EXOC4: variants seen among roughly 807,000 people sequenced by gnomAD.
The protein encoded by EXOC4 is SEC8-like 1.
A neutral mutation model predicts 107.2 loss-of-function variants in EXOC4; 71 were observed. The ratio of observed to expected loss-of-function variants is 0.66; its 90% CI spans 0.55 to 0.81. EXOC4 has a LOEUF of 0.81. Ranked by LOEUF, EXOC4 falls within the 30% of genes least tolerant of loss-of-function variation. The pLI, the probability that EXOC4 is intolerant of heterozygous loss-of-function variation, is 0.00. For missense variants in EXOC4, 1,108 were observed against 1,189.6 expected (o/e 0.93, Z 1.01); for synonymous variants, 456 against 441.2 (o/e 1.03, Z -0.42).
chr7:134,026,653 A>G (rs1795142875), intron 17 of EXOC4, among the ~76,000 whole-genome samples: 1 of 152,126 alleles, frequency 6.6e-6, no homozygotes, highest in Non-Finnish European at 1.5e-5. Flanking sequence ...CAAAGAAGAT[A>G]GACATTTAAA....
intron 7 of EXOC4, among the ~76,000 whole-genome samples, chr7:133,444,958 T>G (rs1243696557): frequency 1.3e-5 from 2 of 152,172 alleles, no homozygotes; most frequent in African/African-American, 4.8e-5. Context: ...GCCTAGAGAT[T>G]AACAACACGT....
chr7:133,523,783 T>C (rs1481032505), intron 9 of EXOC4, among the ~76,000 whole-genome samples: 4 of 152,216 alleles, frequency 2.6e-5, no homozygotes, highest in African/African-American at 9.7e-5. Context: ...CATCATTTTT[T>C]TATGGCTGCA....
chr7:133,909,709 G>A (rs774723727), intron 12 of EXOC4, among the ~76,000 whole-genome samples: 17 of 152,146 alleles, frequency 1.1e-4, no homozygotes, highest in Non-Finnish European at 1.5e-4. Context: ...GTGTTTTCAT[G>A]TGCAGTCAGG....
chr7:133,319,043 C>T (rs976947774), intron 5 of EXOC4, among the ~76,000 whole-genome samples: 3 of 152,060 alleles, frequency 2.0e-5, no homozygotes, highest in Admixed American at 1.3e-4. Flanking sequence ...TTATCTCTGC[C>T]TTTTATGGAA....
At chr7:133,326,797 C>T (rs1795254547) in intron 5 of EXOC4, among the ~76,000 whole-genome samples, 2 of 152,254 alleles carry the variant, frequency 1.3e-5, no homozygotes, top group African/African-American at 4.8e-5. Context: ...CTATGCCCTG[C>T]CCCCAGAGGT....
intron 17 of EXOC4, among the ~76,000 whole-genome samples, chr7:134,022,530 GTC>G (rs1439396976): frequency 1.3e-5 from 2 of 151,824 alleles, no homozygotes; most frequent in African/African-American, 4.8e-5. Context: ...AAGCCAAAGA[GTC>G]TGTAATAGCT....
chr7:133,695,308 C>A (rs144123348), intron 10 of EXOC4, among the ~76,000 whole-genome samples: 3 of 152,102 alleles, frequency 2.0e-5, no homozygotes, highest in Non-Finnish European at 4.4e-5. Context: ...GCTTCCCATT[C>A]TTTTTAATGG....
chr7:133,918,821 C>T (rs1402067149), intron 13 of EXOC4, among the ~76,000 whole-genome samples: 1 of 152,002 alleles, frequency 6.6e-6, no homozygotes, highest in Non-Finnish European at 1.5e-5. Context: ...CTTCTTTTGC[C>T]TAAGTGAATG....
intron 10 of EXOC4, among the ~76,000 whole-genome samples, chr7:133,757,405 GA>G (rs1358094943): frequency 6.6e-6 from 1 of 152,212 alleles, no homozygotes; most frequent in African/African-American, 2.4e-5. Context: ...ATGTTTAAAG[GA>G]GTGTCATGAG....
intron 1 of EXOC4, among the ~76,000 whole-genome samples, chr7:133,264,092 G>A (rs1034656902): frequency 6.6e-6 from 1 of 152,184 alleles, no homozygotes; most frequent in African/African-American, 2.4e-5. Context: ...GTAGAGTTGG[G>A]TGAAGTAAGA....
At chr7:133,467,393 C>T (rs1459501946) in intron 7 of EXOC4, among the ~76,000 whole-genome samples, 1 of 151,934 alleles carries the variant, frequency 6.6e-6, no homozygotes, top group East Asian at 1.9e-4. Context: ...TCTTGCTCTC[C>T]TTCCTTTATA....
At chr7:133,793,316 A>G (rs1216298218) in intron 10 of EXOC4, among the ~76,000 whole-genome samples, 1 of 152,044 alleles carries the variant, frequency 6.6e-6, no homozygotes. Context: ...CTACAGCTAC[A>G]TTTGAGAATC....
chr7:133,469,026 T>G lies in EXOC4; in HGVS notation c.1183-6302T>G, dbSNP rs1377371597. ...TTGAGACAATTTTTTCATGTTACTA[T>G]TTCTCATGTCATGAGAAGCAGTCTA... is the stretch of plus-strand genomic sequence containing the variant. On this transcript the variant is annotated intron_variant, in intron 7 of 17. Coordinates refer to ENST00000253861, the MANE Select transcript of EXOC4 (RefSeq NM_021807.4). Among the ~76,000 whole-genome samples, 4 of 152,184 alleles carry G rather than the reference T, an allele frequency of 2.6e-5. No homozygotes were observed. In the East Asian group the frequency reaches 7.7e-4, roughly 29 times the overall value.
chr7:133,680,916 T>C (rs1794173265), intron 10 of EXOC4, among the ~76,000 whole-genome samples: 1 of 152,212 alleles, frequency 6.6e-6, no homozygotes, highest in Non-Finnish European at 1.5e-5. Context: ...TATAGCAAAG[T>C]AATCAAACTC....
intron 9 of EXOC4, among the ~76,000 whole-genome samples, chr7:133,503,137 A>G (rs1799604911): frequency 6.6e-6 from 1 of 152,138 alleles, no homozygotes; most frequent in Admixed American, 6.6e-5. Flanking sequence ...CAAGTGATCA[A>G]TGTGTCTTTG....
At chr7:133,926,991 T>C (rs1347479212) in intron 13 of EXOC4, among the ~76,000 whole-genome samples, 2 of 152,122 alleles carry the variant, frequency 1.3e-5, no homozygotes, top group African/African-American at 4.8e-5. Context: ...GAAAAAGGAA[T>C]AAAAGCAGAA....
intron 11 of EXOC4, among the ~76,000 whole-genome samples, chr7:133,839,668 G>A (rs939903578): frequency 6.6e-6 from 1 of 152,142 alleles, no homozygotes; most frequent in African/African-American, 2.4e-5. Flanking sequence ...TACCAAGACC[G>A]GAATCCTGTA....
intron 11 of EXOC4, among the ~76,000 whole-genome samples, chr7:133,823,895 T>TAA (rs1329511518): frequency 5.6e-5 from 1 of 17,866 alleles, no homozygotes; most frequent in Non-Finnish European, 8.5e-5. Flanking sequence ...TATATATATT[T>TAA]TATATATATA....
chr7:134,098,001 A>C, the EXOC4 span, among the ~76,000 whole-genome samples: 4 of 152,192 alleles, frequency 2.6e-5, no homozygotes, highest in Non-Finnish European at 5.9e-5. Flanking sequence ...ATGAAGGCAA[A>C]TGGGTAGGAC....
Sources: gnomAD v4.1 joint callset for allele counts (sites outside exome capture counted in the v4.1 genomes callset) on GRCh38, gnomAD v4.1.1 for gene constraint, MANE v1.5 for transcripts, NCBI Gene and HGNC (gene_info 2026-07-23, HGNC 2026-07-21) for gene names.